Variants in CDH13 observed in about 807,000 individuals in gnomAD.
CDH13 encodes cadherin 13, also known as cadherin-13.
In CDH13, 24 loss-of-function variants were observed where a neutral mutation model predicts 63.8. The observed-to-expected ratio is 0.38, with a 90% confidence interval of 0.27 to 0.53. The LOEUF (loss-of-function observed/expected upper bound fraction) is 0.53. Ranked by LOEUF, CDH13 falls within the 20% of genes least tolerant of loss-of-function variation. The probability of loss-of-function intolerance (pLI) is 0.85; values close to 1 mark genes in which losing one functional copy is unlikely to be tolerated. For synonymous variants in CDH13, 503 were observed against 355.3 expected (o/e 1.42, Z -4.67); for missense variants, 1,049 against 903.1 (o/e 1.16, Z -2.07).
intron 10 of CDH13, among the ~76,000 whole-genome samples, chr16:83,727,447 A>G (rs1164521021): frequency 2.0e-5 from 3 of 151,808 alleles, no homozygotes; most frequent in African/African-American, 7.3e-5. Flanking sequence ...CCTTTGCCCC[A>G]TCACCGAGAT....
intron 7 of CDH13, among the ~76,000 whole-genome samples, chr16:83,578,807 C>G (rs1329229676): frequency 6.6e-6 from 1 of 152,186 alleles, no homozygotes; most frequent in Non-Finnish European, 1.5e-5. Context: ...TAAATGTCCA[C>G]TATTCGGTGT....
At chr16:83,563,435 A>G (rs1353899775) in intron 7 of CDH13, among the ~76,000 whole-genome samples, 2 of 152,238 alleles carry the variant, frequency 1.3e-5, no homozygotes, top group South Asian at 2.1e-4. Flanking sequence ...ATTTAAGGCA[A>G]TGTACAAAGA....
At chr16:83,096,660 T>A (rs1468482017) in intron 3 of CDH13, among the ~76,000 whole-genome samples, 1 of 152,188 alleles carries the variant, frequency 6.6e-6, no homozygotes, top group Non-Finnish European at 1.5e-5. Context: ...GTGAGCGGAT[T>A]TGGGTTTAAC....
chr16:82,690,934 A>G (rs1004879946), intron 1 of CDH13, among the ~76,000 whole-genome samples: 2 of 152,224 alleles, frequency 1.3e-5, no homozygotes, highest in African/African-American at 4.8e-5. Context: ...CAGATAAAGA[A>G]TCAGTCATCT....
At chr16:83,092,744 T>G (rs1783173738) in intron 3 of CDH13, among the ~76,000 whole-genome samples, 1 of 152,196 alleles carries the variant, frequency 6.6e-6, no homozygotes, top group African/African-American at 2.4e-5. Flanking sequence ...CACCTATTAT[T>G]ACCCCAAAGA....
chr16:83,407,832 T>C (rs7197321), intron 6 of CDH13, among the ~76,000 whole-genome samples: 1,909 of 152,350 alleles, frequency 0.013, 47 homozygotes, highest in African/African-American at 0.044. Context: ...GTTTTCTTTT[T>C]GTAATTGACT....
At chr16:82,794,335 C>T (rs1265164896) in intron 1 of CDH13, among the ~76,000 whole-genome samples, 2 of 117,480 alleles carry the variant, frequency 1.7e-5, no homozygotes, top group African/African-American at 2.6e-5. Flanking sequence ...GCAAAATAAT[C>T]ATCTTTGTTG....
At chr16:82,825,524 T>C (rs1379800199) in intron 1 of CDH13, 1 of 150,888 alleles carries the variant, frequency 6.6e-6, no homozygotes, top group South Asian at 2.1e-4. Context: ...TCCTCTTAGA[T>C]CTAAACAATA....
At chr16:83,600,484 A>G (rs548251652) in intron 7 of CDH13, among the ~76,000 whole-genome samples, 7 of 152,352 alleles carry the variant, frequency 4.6e-5, no homozygotes, top group African/African-American at 7.2e-5. Flanking sequence ...TGCACTTCAA[A>G]ATACTTAAAA....
intron 1 of CDH13, among the ~76,000 whole-genome samples, chr16:82,854,012 T>C (rs1051685169): frequency 6.6e-6 from 1 of 152,200 alleles, no homozygotes; most frequent in African/African-American, 2.4e-5. Flanking sequence ...TTTACTGCTT[T>C]CCATCCCCTT....
chr16:83,528,881 T>A (rs1368819180), intron 7 of CDH13, among the ~76,000 whole-genome samples: 2 of 152,222 alleles, frequency 1.3e-5, no homozygotes, highest in Non-Finnish European at 2.9e-5. Context: ...GAAGGGATCA[T>A]GGCTATATAA....
At chr16:83,087,695 A>AAAAAAAAAAAAAAAAAAC (rs2033680292) in intron 3 of CDH13, among the ~76,000 whole-genome samples, 1 of 150,322 alleles carries the variant, frequency 6.7e-6, no homozygotes, top group African/African-American at 2.4e-5. Flanking sequence ...AAAAAAAAAA[A>AAAAAAAAAAAAAAAAAAC]AAGCCTAGCA....
At chr16:83,592,057 T>G (rs8062174) in intron 7 of CDH13, among the ~76,000 whole-genome samples, 103,338 of 151,974 alleles carry the variant, frequency 0.68, 35,254 homozygotes, top group East Asian at 0.84. Flanking sequence ...AAGTCAACTG[T>G]CCCCTCCTTT....
chr16:82,944,851 A>G (rs1904520140), intron 2 of CDH13, among the ~76,000 whole-genome samples: 1 of 152,318 alleles, frequency 6.6e-6, no homozygotes, highest in Middle Eastern at 3.4e-3. Context: ...TCCATTCCCT[A>G]CTTCATTTCA....
intron 2 of CDH13, among the ~76,000 whole-genome samples, chr16:82,952,466 A>G (rs1186260120): frequency 6.6e-6 from 1 of 152,232 alleles, no homozygotes; most frequent in African/African-American, 2.4e-5. Flanking sequence ...TCTTGCCTAG[A>G]GCAGTGATGG....
chr16:83,279,442 G>C (rs1310934756), intron 5 of CDH13, among the ~76,000 whole-genome samples: 1 of 152,280 alleles, frequency 6.6e-6, no homozygotes, highest in South Asian at 2.1e-4. Flanking sequence ...CACAATAGCT[G>C]CAATGCAAGT....
At chr16:82,865,906 G>A (rs958368233) in intron 2 of CDH13, among the ~76,000 whole-genome samples, 2 of 152,064 alleles carry the variant, frequency 1.3e-5, no homozygotes, top group East Asian at 3.9e-4. Context: ...TCTTCTCTTT[G>A]TGAATACGTA....
chr16:82,993,145 C>G (rs1220433013), intron 2 of CDH13, among the ~76,000 whole-genome samples: 1 of 152,160 alleles, frequency 6.6e-6, no homozygotes, highest in Non-Finnish European at 1.5e-5. Context: ...ACTGTCTACA[C>G]TCTTTCTGCC....
chr16:82,959,360 C>G (rs985386514), intron 2 of CDH13, among the ~76,000 whole-genome samples: 6 of 152,150 alleles, frequency 3.9e-5, no homozygotes, highest in Non-Finnish European at 8.8e-5. Context: ...GTTTTGCCTC[C>G]TGTATTAGTT....
Sources: gnomAD v4.1 joint callset for allele counts (sites outside exome capture counted in the v4.1 genomes callset) on GRCh38, gnomAD v4.1.1 for gene constraint, MANE v1.5 for transcripts, NCBI Gene and HGNC (gene_info 2026-07-23, HGNC 2026-07-21) for gene names.